Variants in PCDHA1 observed in about 807,000 individuals in gnomAD.
PCDHA1 encodes the protein protocadherin alpha 1.
A neutral mutation model predicts 61.3 loss-of-function variants in PCDHA1; 42 were observed. The observed-to-expected ratio is 0.69, with a 90% CI of 0.54 to 0.89. The LOEUF (loss-of-function observed/expected upper bound fraction) is 0.89. Among genes scored for constraint, PCDHA1 ranks in the 40% least tolerant of loss-of-function variants. PCDHA1 has a pLI of 0.00. For synonymous variants in PCDHA1, 610 were observed against 553.8 expected (o/e 1.10, Z -1.43); for missense variants, 1,256 against 1,235.3 (o/e 1.02, Z -0.25).
intron 1 of PCDHA1, among the ~76,000 whole-genome samples, chr5:140,886,842 AAAAAAG>A (rs1562824849): frequency 6.6e-6 from 1 of 151,524 alleles, no homozygotes. Flanking sequence ...AAAAAAAAAA[AAAAAAG>A]AAAGGTCTTC....
intron 3 of PCDHA1, among the ~76,000 whole-genome samples, chr5:140,989,404 A>G (rs2097341135): frequency 6.6e-6 from 1 of 152,134 alleles, no homozygotes; most frequent in Non-Finnish European, 1.5e-5. Flanking sequence ...GAGGGTGGAG[A>G]GTCTGCACTT....
chr5:140,803,625 C>T, intron 1 of PCDHA1: 2 of 1,613,856 alleles, frequency 1.2e-6, no homozygotes, highest in Admixed American at 3.3e-5. Flanking sequence ...TCCAAAATGT[C>T]TTTGTTTTTC....
intron 1 of PCDHA1, among the ~76,000 whole-genome samples, chr5:140,886,986 A>C (rs1246352877): frequency 6.6e-6 from 1 of 152,160 alleles, no homozygotes; most frequent in Non-Finnish European, 1.5e-5. Context: ...TGTAAATCCA[A>C]ATTTCCAGTT....
chr5:140,882,161 T>C (rs1235221234), intron 1 of PCDHA1: 1 of 1,509,194 alleles, frequency 6.6e-7, no homozygotes, highest in African/African-American at 1.4e-5. Flanking sequence ...GGAATACCTC[T>C]TGCGAATCCT....
At chr5:140,876,298 G>T (rs1469744425) in intron 1 of PCDHA1, 3 of 1,613,970 alleles carry the variant, frequency 1.9e-6, no homozygotes, top group Non-Finnish European at 1.7e-6. Context: ...ACTTAATGGA[G>T]AAATTTCCTA....
At chr5:140,789,147 G>C (rs1441847716) in intron 1 of PCDHA1, among the ~76,000 whole-genome samples, 1 of 152,192 alleles carries the variant, frequency 6.6e-6, no homozygotes, top group Non-Finnish European at 1.5e-5. Context: ...TTAAGCAAAC[G>C]TAATTTAAAA....
Position 140,886,603 on chromosome 5 carries a change from G to GGATCAGGA in PCDHA1, c.2395-92336_2395-92329dup, listed in dbSNP as rs567691866. On this transcript the variant is annotated intron_variant, in intron 1 of 3. Coordinates refer to ENST00000504120, the MANE Select transcript of PCDHA1 (RefSeq NM_018900.4). ...AGCACTTTGGGAGGCCAAGGTGGGC[G>GGATCAGGA]GATCAGGAGATCAGGAGTCCGAGAC... 2.7e-3 allele frequency among the ~76,000 whole-genome samples: 409 copies of GGATCAGGA among 152,092 alleles called. 3 individuals carry two copies. The highest frequency in any genetic ancestry group is 0.014 in the Middle Eastern group (4 of 294).
At chr5:140,858,581 T>A in intron 1 of PCDHA1, 1 of 1,350,098 alleles carries the variant, frequency 7.4e-7, no homozygotes, top group Non-Finnish European at 1.0e-6. Flanking sequence ...CTTTGTAATA[T>A]AATTTATTCC....
Position 140,822,369 on chromosome 5 carries a change from C to T in PCDHA1, c.2394+33685C>T, listed in dbSNP as rs2150115802. On this transcript the variant is annotated intron_variant, in intron 1 of 3. Coordinates refer to ENST00000504120, the MANE Select transcript of PCDHA1 (RefSeq NM_018900.4). ...TTTTAGAGCTGGTTTTGAGGAAATCCTTAGATAGAGAAGAAACACAAGAAC... is the reference window on the plus strand; with the variant it reads ...TTTTAGAGCTGGTTTTGAGGAAATCTTTAGATAGAGAAGAAACACAAGAAC... 10 of 1,613,936 alleles carry T rather than the reference C, an allele frequency of 6.2e-6. No individual in the cohort carries two copies. In the East Asian group the frequency reaches 1.3e-4, roughly 22 times the overall value.
chr5:140,928,981 G>A, intron 1 of PCDHA1: 1 of 1,613,802 alleles, frequency 6.2e-7, no homozygotes, highest in Non-Finnish European at 8.5e-7. Context: ...TTTATTTCTG[G>A]GGTGCTTACT....
intron 1 of PCDHA1, among the ~76,000 whole-genome samples, chr5:140,946,707 A>C (rs2094013917): frequency 6.7e-6 from 1 of 150,204 alleles, no homozygotes; most frequent in East Asian, 1.9e-4. Context: ...TCTGGAGGTC[A>C]TTATGTTTAG....
rs2098331172 is a variant in PCDHA1, at chr5:141,007,465, G to A, written c.2543-2162G>A. Among the ~76,000 whole-genome samples, 5 of 151,906 alleles carry A rather than the reference G, an allele frequency of 3.3e-5. No individual in the cohort carries two copies. The South Asian group carries it at 1.0e-3, about 32-fold the overall frequency. ...TGCCTGTAGTCCCAGCTACTCAGGA[G>A]GCTGAGGCACGAGAATTACTTGGAC... On this transcript the variant is annotated intron_variant, in intron 3 of 3. Transcript: ENST00000504120.
At chr5:140,803,183 G>T (rs1554122629) in intron 1 of PCDHA1, 1 of 1,613,910 alleles carries the variant, frequency 6.2e-7, no homozygotes, top group Non-Finnish European at 8.5e-7. Flanking sequence ...TGACCGCCAC[G>T]GCCACTGTGC....
chr5:140,921,367 T>A (rs1165325497), intron 1 of PCDHA1, among the ~76,000 whole-genome samples: 1 of 152,182 alleles, frequency 6.6e-6, no homozygotes, highest in Non-Finnish European at 1.5e-5. Context: ...TCAAGTTTCA[T>A]ATTTCTACAT....
intron 1 of PCDHA1, among the ~76,000 whole-genome samples, chr5:140,909,076 G>A (rs556959550): frequency 3.3e-5 from 5 of 152,294 alleles, no homozygotes; most frequent in African/African-American, 7.2e-5. Context: ...TAAGCCCAGT[G>A]TGTTTGCTAC....
intron 1 of PCDHA1, among the ~76,000 whole-genome samples, chr5:140,798,630 A>C (rs1177258898): frequency 2.6e-5 from 4 of 152,184 alleles, no homozygotes; most frequent in African/African-American, 7.2e-5. Flanking sequence ...ATTTTCCATT[A>C]ATGTGAGCTC....
intron 1 of PCDHA1, among the ~76,000 whole-genome samples, chr5:140,820,722 A>T (rs2150107758): frequency 3.3e-5 from 5 of 152,090 alleles, no homozygotes; most frequent in African/African-American, 1.2e-4. Context: ...ATTTACTGGA[A>T]CCTAAACATT....
chr5:140,808,702 G>T, intron 1 of PCDHA1: 3 of 1,612,168 alleles, frequency 1.9e-6, no homozygotes, highest in South Asian at 1.1e-5. Context: ...GCGCGCTGTC[G>T]AGCTACGTTT....
At chr5:140,835,832 C>T in intron 1 of PCDHA1, 1 of 1,612,382 alleles carries the variant, frequency 6.2e-7, no homozygotes, top group Non-Finnish European at 8.5e-7. Flanking sequence ...GGGACGCGGA[C>T]GCGCAGAAGA....
Sources: gnomAD v4.1 joint callset for allele counts (sites outside exome capture counted in the v4.1 genomes callset) on GRCh38, gnomAD v4.1.1 for gene constraint, MANE v1.5 for transcripts, NCBI Gene and HGNC (gene_info 2026-07-23, HGNC 2026-07-21) for gene names.